The following GLIS3 variants were observed in gnomAD, a reference collection of about 807,000 sequenced individuals.
GLIS3 encodes zinc finger protein GLIS3.
A neutral mutation model predicts 78.6 loss-of-function variants in GLIS3; 53 were observed. The observed-to-expected ratio is 0.67, with a 90% CI of 0.54 to 0.85. The LOEUF is 0.85. GLIS3 is among the 40% of genes least tolerant of loss of function. GLIS3 has a pLI of 0.00. For missense variants in GLIS3, 1,703 were observed against 1,231.1 expected (o/e 1.38, Z -5.74); for synonymous variants, 684 against 509.9 (o/e 1.34, Z -4.60).
At chr9:3,910,542 G>T (rs1254979937) in intron 6 of GLIS3, among the ~76,000 whole-genome samples, 1 of 152,040 alleles carries the variant, frequency 6.6e-6, no homozygotes, top group Non-Finnish European at 1.5e-5. Context: ...TCAGAGACAG[G>T]GTCTCACCAT....
chr9:3,991,891 CGT>C (rs1820322577), intron 4 of GLIS3, among the ~76,000 whole-genome samples: 1 of 151,560 alleles, frequency 6.6e-6, no homozygotes, highest in Non-Finnish European at 1.5e-5. Flanking sequence ...GGGGTTTCAC[CGT>C]ATTGGCCAGG....
chr9:4,388,364 C>T, the GLIS3 span, among the ~76,000 whole-genome samples: 1 of 152,014 alleles, frequency 6.6e-6, no homozygotes, highest in South Asian at 2.1e-4. Context: ...GTTAGCTTTA[C>T]CTCCAGGGTT....
chr9:3,829,382 C>T lies in GLIS3; in HGVS notation c.2584G>A (p.Val862Ile). The part of the protein sequence containing the change: ...SVVPSFEDCL[V>I]PTSMGQASFD... ...CTGGCCTGGCCCATGGATGTAGGGA[C>T]TAGGCAGTCCTCAAACGAAGGCACC... Residue 862 changes from valine to isoleucine, a missense_variant, in exon 10 of 11, where the codon GTC becomes ATC. Physicochemically the swap from Val to Ile is conservative, Grantham distance 29. Coordinates refer to ENST00000381971, the MANE Select transcript of GLIS3 (RefSeq NM_001042413.2). The T allele has an allele frequency of 6.2e-7, 1 of 1,614,108 alleles. No individual in the cohort carries two copies. The highest frequency in any genetic ancestry group is 8.5e-7 in the Non-Finnish European group (1 of 1,179,996).
chr9:4,454,648 T>C, the GLIS3 span, among the ~76,000 whole-genome samples: 4 of 152,168 alleles, frequency 2.6e-5, no homozygotes, highest in Non-Finnish European at 5.9e-5. Context: ...AGTAAATGCA[T>C]CTCTATTTCT....
the GLIS3 span, among the ~76,000 whole-genome samples, chr9:4,462,639 G>GCA: frequency 0.022 from 3,195 of 142,558 alleles, 46 homozygotes; most frequent in African/African-American, 0.05. Flanking sequence ...ACACAGACAC[G>GCA]CACACACACA....
the GLIS3 span, among the ~76,000 whole-genome samples, chr9:4,420,524 G>C: frequency 2.6e-5 from 4 of 152,146 alleles, no homozygotes; most frequent in African/African-American, 9.7e-5. Context: ...CAATAAACTC[G>C]GGGGTAAGGC....
At chr9:4,437,420 G>GTATCTATCTATCTATC in the GLIS3 span, among the ~76,000 whole-genome samples, 10 of 127,038 alleles carry the variant, frequency 7.9e-5, no homozygotes, top group East Asian at 2.2e-4. Flanking sequence ...ATGTATGTAT[G>GTATCTATCTATCTATC]TATCTATCTA....
intron 4 of GLIS3, among the ~76,000 whole-genome samples, chr9:4,012,235 G>A (rs537487074): frequency 1.5e-4 from 23 of 152,254 alleles, no homozygotes; most frequent in African/African-American, 4.1e-4. Flanking sequence ...TGTCTCTACA[G>A]CAGGCACCAA....
At chr9:4,345,215 T>G (rs983356482) in intron 2 of GLIS3, among the ~76,000 whole-genome samples, 1 of 152,198 alleles carries the variant, frequency 6.6e-6, no homozygotes, top group Non-Finnish European at 1.5e-5. Context: ...GTTTCCTACC[T>G]TTGCCCTTCC....
At chr9:3,842,480 C>T (rs866948043) in intron 9 of GLIS3, among the ~76,000 whole-genome samples, 15 of 152,122 alleles carry the variant, frequency 9.9e-5, no homozygotes, top group Admixed American at 7.2e-4. Flanking sequence ...TCAAAAAGAC[C>T]TCCCCAAGAG....
At chr9:4,006,916 T>C (rs58573754) in intron 4 of GLIS3, among the ~76,000 whole-genome samples, 2,519 of 152,340 alleles carry the variant, frequency 0.017, 78 homozygotes, top group African/African-American at 0.058. Context: ...CATAAAGTCC[T>C]GGATGCAAGC....
chr9:4,305,862 C>T (rs1284580476), intron 4 of GLIS3: 2 of 152,166 alleles, frequency 1.3e-5, no homozygotes, highest in Non-Finnish European at 2.9e-5. Flanking sequence ...CCTGATGGAA[C>T]CACACCTGAT....
At chr9:4,298,428 T>G (rs1017010345) in intron 1 of GLIS3, 5 of 453,216 alleles carry the variant, frequency 1.1e-5, no homozygotes, top group Non-Finnish European at 1.8e-5. Context: ...AGGGCCAAGA[T>G]TTCCAGACAC....
the GLIS3 span, among the ~76,000 whole-genome samples, chr9:4,472,963 G>C: frequency 3.9e-5 from 6 of 152,108 alleles, no homozygotes; most frequent in African/African-American, 1.2e-4. Context: ...ACATTCCTTT[G>C]GGTATATATC....
chr9:3,866,860 G>C (rs954953483), intron 8 of GLIS3, among the ~76,000 whole-genome samples: 1 of 152,116 alleles, frequency 6.6e-6, no homozygotes, highest in African/African-American at 2.4e-5. Flanking sequence ...TGCCATGTGT[G>C]AGCTGGTGGG....
chr9:4,043,664 C>A (rs1825015451), intron 4 of GLIS3, among the ~76,000 whole-genome samples: 1 of 152,170 alleles, frequency 6.6e-6, no homozygotes, highest in Non-Finnish European at 1.5e-5. Context: ...TTCTTCTCTA[C>A]AAGTCCCAAC....
the GLIS3 span, among the ~76,000 whole-genome samples, chr9:4,489,621 C>G: frequency 6.6e-6 from 1 of 152,104 alleles, no homozygotes; most frequent in African/African-American, 2.4e-5. Context: ...TATTTGGCAC[C>G]ACTAACCTAG....
the GLIS3 span, among the ~76,000 whole-genome samples, chr9:4,465,587 C>A: frequency 6.6e-6 from 1 of 152,070 alleles, no homozygotes; most frequent in Admixed American, 6.6e-5. Context: ...AATAATAATT[C>A]TTGTAACTGG....
At position 3,880,764 on chromosome 9, in the gene GLIS3, A is replaced by G. The variant is rs1281384204; in HGVS notation, c.2129-1169T>C. Among the ~76,000 whole-genome samples the G allele has an allele frequency of 8.5e-5, 13 of 152,336 alleles. No homozygotes were observed. The South Asian group carries it at 1.9e-3, about 22-fold the overall frequency. ...ACCTAGCCCCCAAAAGCTTAATCCAATGGAACAAGAGTTCAAGTATTTCAA... is the reference window on the plus strand; with the variant it reads ...ACCTAGCCCCCAAAAGCTTAATCCAGTGGAACAAGAGTTCAAGTATTTCAA... On this transcript the variant is annotated intron_variant, in intron 7 of 10. Transcript: ENST00000381971.
Sources: gnomAD v4.1 joint callset for allele counts (sites outside exome capture counted in the v4.1 genomes callset) on GRCh38, gnomAD v4.1.1 for gene constraint, MANE v1.5 for transcripts, NCBI Gene and HGNC (gene_info 2026-07-23, HGNC 2026-07-21) for gene names.